Variants in WDR27 observed in about 807,000 individuals in gnomAD.
WDR27 encodes WD repeat domain 27, also known as WD repeat-containing protein 27.
WDR27 carries 100 observed loss-of-function variants against 114.4 expected under a neutral mutation model. The ratio of observed to expected loss-of-function variants is 0.87; its 90% CI spans 0.74 to 1.03. The LOEUF (loss-of-function observed/expected upper bound fraction) is 1.03. Among genes scored for constraint, WDR27 ranks in the 50% least tolerant of loss-of-function variants. WDR27 has a pLI of 0.00. For missense variants in WDR27, 1,129 were observed against 1,092.9 expected (o/e 1.03, Z -0.47); for synonymous variants, 449 against 423.1 (o/e 1.06, Z -0.75).
At chr6:169,445,521 G>A in the WDR27 span, among the ~76,000 whole-genome samples, 1 of 152,222 alleles carries the variant, frequency 6.6e-6, no homozygotes, top group African/African-American at 2.4e-5. Context: ...TGGGAGAACT[G>A]AATGAGTTAA....
intron 22 of WDR27, among the ~76,000 whole-genome samples, chr6:169,608,342 A>G (rs549656228): frequency 6.6e-6 from 1 of 152,150 alleles, no homozygotes; most frequent in Non-Finnish European, 1.5e-5. Context: ...CCATCGACCA[A>G]TGTATTAGTC....
chr6:169,539,447 C>T (rs533051059), intron 25 of WDR27, among the ~76,000 whole-genome samples: 1 of 152,306 alleles, frequency 6.6e-6, no homozygotes, highest in African/African-American at 2.4e-5. Context: ...ATTTTGCCTA[C>T]TGCCCCAAAT....
chr6:169,668,533 C>T (rs1029392120), intron 4 of WDR27: 5 of 200,326 alleles, frequency 2.5e-5, no homozygotes, highest in Non-Finnish European at 5.1e-5. Context: ...CATGAGTTAC[C>T]CTTTCCTCCT....
At chr6:169,526,032 T>A (rs1467291800) in intron 25 of WDR27, among the ~76,000 whole-genome samples, 2 of 151,990 alleles carry the variant, frequency 1.3e-5, no homozygotes, top group Non-Finnish European at 2.9e-5. Context: ...AGAAAAAAAG[T>A]GGATCTCATG....
chr6:169,525,962 G>C (rs1334620413), intron 25 of WDR27, among the ~76,000 whole-genome samples: 1 of 152,170 alleles, frequency 6.6e-6, no homozygotes, highest in Non-Finnish European at 1.5e-5. Flanking sequence ...AAGTCACTCA[G>C]TGAAACAAGC....
chr6:169,658,992 TCA>T, intron 12 of WDR27, 92 bp downstream of exon 12: 1 of 1,448,060 alleles, frequency 6.9e-7, no homozygotes, highest in Non-Finnish European at 9.1e-7. Context: ...CGGCCAGAGC[TCA>T]GAGTTTTCTA....
chr6:169,471,106 A>G (rs918822083), intron 25 of WDR27, among the ~76,000 whole-genome samples: 1 of 151,914 alleles, frequency 6.6e-6, no homozygotes, highest in African/African-American at 2.4e-5. Flanking sequence ...TAGGCTGACT[A>G]CAGAGTCTTG....
chr6:169,444,494 T>C, the WDR27 span, among the ~76,000 whole-genome samples: 6 of 152,162 alleles, frequency 3.9e-5, no homozygotes, highest in African/African-American at 1.4e-4. Flanking sequence ...TGAGAGTCCC[T>C]GCTGTCCCAG....
intron 2 of WDR27, among the ~76,000 whole-genome samples, chr6:169,687,969 G>C (rs1207436977): frequency 6.6e-6 from 1 of 152,124 alleles, no homozygotes; most frequent in African/African-American, 2.4e-5. Flanking sequence ...AAAGAATCTA[G>C]CAGCCAAAAA....
intron 13 of WDR27, among the ~76,000 whole-genome samples, chr6:169,656,325 G>A (rs866406136): frequency 9.2e-5 from 14 of 152,202 alleles, no homozygotes; most frequent in East Asian, 5.8e-4. Context: ...TCTCAATCCC[G>A]TCTGTGGATT....
At chr6:169,443,685 T>C in the WDR27 span, among the ~76,000 whole-genome samples, 3 of 152,122 alleles carry the variant, frequency 2.0e-5, no homozygotes, top group Non-Finnish European at 4.4e-5. Context: ...GGACAGACCC[T>C]TCAGAGGCAG....
chr6:169,570,442 T>C (rs761453512), intron 25 of WDR27, among the ~76,000 whole-genome samples: 43 of 152,228 alleles, frequency 2.8e-4, no homozygotes, highest in Non-Finnish European at 4.3e-4. Flanking sequence ...GTGTACGTGA[T>C]GCTTCACTCC....
chr6:169,536,255 A>G (rs1264285253), intron 25 of WDR27, among the ~76,000 whole-genome samples: 1 of 152,220 alleles, frequency 6.6e-6, no homozygotes, highest in Non-Finnish European at 1.5e-5. Context: ...GCCTTATATA[A>G]GGACCACATC....
chr6:169,621,336 GCACACACATGCATGTAGACATACGCACA>G (rs1340176369), intron 21 of WDR27, among the ~76,000 whole-genome samples: 20 of 145,886 alleles, frequency 1.4e-4, no homozygotes, highest in Non-Finnish European at 2.5e-4. Context: ...ATATACATAC[GCACACACATGCATGTAGACATACGCACA>G]CATGCATGCA....
At chr6:169,577,852 C>T (rs1247427082) in intron 24 of WDR27, among the ~76,000 whole-genome samples, 1 of 152,138 alleles carries the variant, frequency 6.6e-6, no homozygotes, top group Non-Finnish European at 1.5e-5. Flanking sequence ...AGACCTGTAC[C>T]CTCCAACTCT....
At chr6:169,552,653 G>A (rs978781892) in intron 25 of WDR27, among the ~76,000 whole-genome samples, 1 of 152,182 alleles carries the variant, frequency 6.6e-6, no homozygotes. Context: ...GCTCTAAATT[G>A]ATCAACTGCC....
intron 20 of WDR27, 109 bp from the exon 21 acceptor site, chr6:169,633,177 T>G (rs1816839195): frequency 8.5e-7 from 1 of 1,174,682 alleles, no homozygotes; most frequent in Admixed American, 3.2e-5. Flanking sequence ...GACTCATGAA[T>G]GGATGACTAG....
Position 169,647,898 on chromosome 6 carries a change from T to C in WDR27, c.1560-28A>G, listed in dbSNP as rs762904147. ...GAGGGAAGGCCACAGGTAACGGTGA[T>C]CGGGAGACATTCACAGTGAGATTAG... On this transcript the variant is annotated intron_variant, in intron 15 of 25. Coordinates refer to ENST00000448612, the MANE Select transcript of WDR27 (RefSeq NM_182552.5). 9.5e-6 allele frequency: 14 copies of C among 1,469,318 alleles called. No homozygotes were observed. In the African/African-American group the frequency reaches 1.4e-4, roughly 15 times the overall value. The allele number at this position is 1,469,318 out of a possible 1,614,324, so 91.0% of individuals were successfully genotyped here.
At chr6:169,573,247 C>G (rs903459591) in intron 24 of WDR27, among the ~76,000 whole-genome samples, 1 of 152,166 alleles carries the variant, frequency 6.6e-6, no homozygotes, top group African/African-American at 2.4e-5. Flanking sequence ...CTCAGTATAG[C>G]TGGAAAGACC....
Sources: gnomAD v4.1 joint callset for allele counts (sites outside exome capture counted in the v4.1 genomes callset) on GRCh38, gnomAD v4.1.1 for gene constraint, MANE v1.5 for transcripts, NCBI Gene and HGNC (gene_info 2026-07-23, HGNC 2026-07-21) for gene names.